KNSTRN: variants seen among roughly 807,000 people sequenced by gnomAD.
KNSTRN encodes small kinetochore-associated protein.
KNSTRN carries 38 observed loss-of-function variants against 44.7 expected under a neutral mutation model. The ratio of observed to expected loss-of-function variants is 0.85; its 90% CI spans 0.66 to 1.11. KNSTRN has a LOEUF of 1.11. Ranked by LOEUF, KNSTRN falls within the 50% of genes most tolerant of loss-of-function variation. The pLI is 0.00. For synonymous variants in KNSTRN, 158 were observed against 148.1 expected (o/e 1.07, Z -0.48); for missense variants, 406 against 375.8 (o/e 1.08, Z -0.66).
chr15:40,393,329 T>C, intron 8 of KNSTRN, 140 bp from the exon 9 acceptor site: 2 of 1,603,692 alleles, frequency 1.2e-6, no homozygotes, highest in South Asian at 1.1e-5. Flanking sequence ...AAATCTAAAA[T>C]AGAAGATACA....
At chr15:40,391,865 T>G in intron 7 of KNSTRN, 84 bp from the exon 8 acceptor site, 1 of 1,038,956 alleles carries the variant, frequency 9.6e-7, no homozygotes, top group Non-Finnish European at 1.4e-6. Context: ...TGTTGAGAAC[T>G]GTGTGGAAAG....
intron 3 of KNSTRN, chr15:40,386,740 G>C: frequency 1.9e-6 from 1 of 534,276 alleles, no homozygotes; most frequent in South Asian, 2.3e-5. Flanking sequence ...GAGCATACAA[G>C]TGGCAGCACT....
intron 8 of KNSTRN, among the ~76,000 whole-genome samples, chr15:40,392,553 G>A (rs149809294): frequency 1.6e-4 from 24 of 152,298 alleles, no homozygotes; most frequent in East Asian, 5.8e-4. Context: ...ATAGCCAGGC[G>A]TGGTGGTACA....
At position 40,386,499 on chromosome 15, in the gene KNSTRN, G is replaced by A; in HGVS notation, c.437+5G>A. On this transcript the variant is annotated splice_donor_5th_base_variant and intron_variant, in intron 3 of 8. Transcript: ENST00000249776. ...CAAACTGAGACGAGAGAATGGGTGA[G>A]AACGGATCATTAGTATCCAGTTAGA... 6.2e-7 allele frequency: 1 copy of A among 1,613,038 alleles called. No homozygotes were observed. Among genetic ancestry groups the A allele is most frequent in the Non-Finnish European group, 8.5e-7 (1 of 1,179,646 alleles).
chr15:40,393,400 A>C, intron 8 of KNSTRN, 69 bp from the exon 9 acceptor site: 3 of 1,595,380 alleles, frequency 1.9e-6, no homozygotes, highest in Non-Finnish European at 2.6e-6. Flanking sequence ...CTGATGTGGG[A>C]ATTGTGTTTC....
chr15:40,392,506 TAAC>T (rs1425973220), intron 8 of KNSTRN, among the ~76,000 whole-genome samples: 1 of 152,072 alleles, frequency 6.6e-6, no homozygotes, highest in Non-Finnish European at 1.5e-5. Context: ...CTGGGAAACA[TAAC>T]AAGACCCCAT....
At chr15:40,383,131 C>A in intron 1 of KNSTRN, 87 bp downstream of exon 1, 3 of 1,588,568 alleles carry the variant, frequency 1.9e-6, no homozygotes, top group Non-Finnish European at 1.7e-6. Context: ...TTTTCCAACC[C>A]CGAGCCGGGG....
chr15:40,383,967 G>A (rs1273733749), intron 2 of KNSTRN: 1 of 155,070 alleles, frequency 6.4e-6, no homozygotes, highest in Non-Finnish European at 1.4e-5. Context: ...AGAGATTATA[G>A]TACAGAGTAA....
Position 40,383,301 on chromosome 15 carries a change from C to T in KNSTRN, c.283C>T (p.Leu95=). 2 of 1,612,920 alleles carry T rather than the reference C, an allele frequency of 1.2e-6. No individual in the cohort carries two copies. The highest frequency in any genetic ancestry group is 2.2e-5 in the East Asian group (1 of 44,836). ...GTATAGCCTGCAGCCCCCCTCTGCG[C>T]TGAGCGGCGGCCAGCCGGCAGGTGA... is the stretch of plus-strand genomic sequence containing the variant. ...TVYSLQPPSA[L]SGGQPADTQT... Residue 95 remains leucine (L), a synonymous_variant, in exon 2 of 9, where the codon CTG becomes TTG. Coordinates refer to ENST00000249776, the MANE Select transcript of KNSTRN (RefSeq NM_033286.4).
In KNSTRN at chr15:40,393,455, G is replaced by A. The variant is rs1429186788; in HGVS notation, c.823-14G>A. ...TGTATGTGTTGTTTTCTTTTGGAATGTCTTTCCATGCAGGCCTTAAAGGTA... is the reference window on the plus strand; with the variant it reads ...TGTATGTGTTGTTTTCTTTTGGAATATCTTTCCATGCAGGCCTTAAAGGTA... On this transcript the variant is annotated splice_polypyrimidine_tract_variant and intron_variant, in intron 8 of 8. Transcript: ENST00000249776. The A allele has an allele frequency of 5.6e-6, 9 of 1,607,708 alleles. No homozygotes were observed. The highest frequency in any genetic ancestry group is 7.6e-6 in the Non-Finnish European group (9 of 1,178,084).
chr15:40,385,198 C>G (rs1355597912), intron 2 of KNSTRN, among the ~76,000 whole-genome samples: 1 of 152,074 alleles, frequency 6.6e-6, no homozygotes, highest in Middle Eastern at 3.2e-3. Flanking sequence ...GAGAGTAAGT[C>G]CAGAAAAGCC....
chr15:40,383,188 G>C (rs575551044), intron 1 of KNSTRN, 40 bp from the exon 2 acceptor site: 1 of 1,601,322 alleles, frequency 6.2e-7, no homozygotes, highest in African/African-American at 1.3e-5. Context: ...CTCGGGCCCA[G>C]TGGCCCAGCG....
At chr15:40,391,685 G>T in intron 7 of KNSTRN, 131 bp downstream of exon 7, 1 of 780,224 alleles carries the variant, frequency 1.3e-6, no homozygotes, top group Non-Finnish European at 2.1e-6. Flanking sequence ...CTAGAAAAGA[G>T]AAATGGGATG....
chr15:40,388,271 A>G (rs1340259118), intron 4 of KNSTRN, among the ~76,000 whole-genome samples: 1 of 152,238 alleles, frequency 6.6e-6, no homozygotes, highest in Non-Finnish European at 1.5e-5. Context: ...CATTGTTTCT[A>G]TAGATAGTAA....
intron 5 of KNSTRN, 79 bp from the exon 6 acceptor site, chr15:40,389,757 C>T: frequency 6.9e-7 from 1 of 1,454,686 alleles, no homozygotes; most frequent in Admixed American, 1.7e-5. Context: ...CTATGGCTGT[C>T]CAAGAGCAAG....
intron 6 of KNSTRN, among the ~76,000 whole-genome samples, chr15:40,390,928 A>G (rs1371494347): frequency 6.6e-6 from 1 of 151,954 alleles, no homozygotes; most frequent in Non-Finnish European, 1.5e-5. Context: ...GATATTCTTT[A>G]TAGTCACCAT....
Position 40,382,970 on chromosome 15 carries a change from T to G in KNSTRN, c.135T>G (p.Gly45=). The change falls in exon 1 of 9, where the codon GGT becomes GGG. Residue 45 remains glycine, a synonymous_variant. Transcript: ENST00000249776. ...AAACCCAGGCGGCCGACTTAGCCGG[T>G]GGCACGACAGTTGCTGCAGGGAATC... is the stretch of plus-strand genomic sequence containing the variant. ...LFETQAADLA[G]GTTVAAGNLL... The G allele has an allele frequency of 1.2e-6, 2 of 1,612,218 alleles. No homozygotes were observed. Among genetic ancestry groups the G allele is most frequent in the Non-Finnish European group, 1.7e-6 (2 of 1,180,030 alleles).
intron 8 of KNSTRN, 59 bp downstream of exon 8, chr15:40,392,082 G>C (rs1335529285): frequency 7.0e-6 from 7 of 1,003,908 alleles, no homozygotes; most frequent in Non-Finnish European, 1.0e-5. Flanking sequence ...TTATAGTGGG[G>C]TCTTTTCTGT....
intron 2 of KNSTRN, 24 bp downstream of exon 2, chr15:40,383,346 G>C (rs377182296): frequency 7.6e-6 from 12 of 1,580,270 alleles, no homozygotes; most frequent in Non-Finnish European, 6.1e-6. Context: ...CCACGCCCGG[G>C]GCACTGCGGC....
Sources: gnomAD v4.1 joint callset for allele counts (sites outside exome capture counted in the v4.1 genomes callset) on GRCh38, gnomAD v4.1.1 for gene constraint, MANE v1.5 for transcripts, NCBI Gene and HGNC (gene_info 2026-07-23, HGNC 2026-07-21) for gene names.